Variants in NEK11 observed in about 807,000 individuals in gnomAD.
The protein encoded by NEK11 is NIMA related kinase 11.
NEK11 carries 72 observed loss-of-function variants against 80.7 expected under a neutral mutation model. That is an observed-to-expected ratio of 0.89 (90% CI 0.74 to 1.08). NEK11 has a LOEUF of 1.08. Ranked by LOEUF, NEK11 falls within the 50% of genes least tolerant of loss-of-function variation. NEK11 has a pLI of 0.00. For missense variants in NEK11, 764 were observed against 763.6 expected (o/e 1.00, Z -0.01); for synonymous variants, 251 against 260.7 (o/e 0.96, Z 0.36).
At chr3:131,191,820 T>C (rs561699832) in intron 14 of NEK11, among the ~76,000 whole-genome samples, 1 of 152,090 alleles carries the variant, frequency 6.6e-6, no homozygotes, top group East Asian at 1.9e-4. Context: ...AAATTAAAAT[T>C]AAAATAGATC....
chr3:131,324,634 A>ACTT (rs2096937892), intron 17 of NEK11, among the ~76,000 whole-genome samples: 1 of 152,226 alleles, frequency 6.6e-6, no homozygotes, highest in Non-Finnish European at 1.5e-5. Context: ...TTCAGGAAGG[A>ACTT]CTTCATCAAG....
intron 17 of NEK11, among the ~76,000 whole-genome samples, chr3:131,274,886 C>G (rs1166501137): frequency 1.3e-5 from 2 of 151,792 alleles, no homozygotes; most frequent in African/African-American, 2.4e-5. Context: ...ATCTCCTGAC[C>G]TCGTGATCCA....
At chr3:131,077,603 C>A (rs1004101302) in intron 3 of NEK11, among the ~76,000 whole-genome samples, 1 of 152,136 alleles carries the variant, frequency 6.6e-6, no homozygotes, top group Admixed American at 6.5e-5. Context: ...CTTTTTAGAG[C>A]ATTTATTCCT....
chr3:131,036,869 T>C (rs936855373), intron 3 of NEK11, among the ~76,000 whole-genome samples: 3 of 152,224 alleles, frequency 2.0e-5, no homozygotes, highest in African/African-American at 7.2e-5. Flanking sequence ...AAGAGTTGCA[T>C]TCAGTGTGAA....
intron 14 of NEK11, among the ~76,000 whole-genome samples, chr3:131,178,695 G>A (rs1409312474): frequency 6.6e-6 from 1 of 152,136 alleles, no homozygotes; most frequent in African/African-American, 2.4e-5. Flanking sequence ...AGTAGAAGGA[G>A]TATACTATAA....
intron 17 of NEK11, among the ~76,000 whole-genome samples, chr3:131,340,697 C>T (rs1011709696): frequency 6.6e-6 from 1 of 152,110 alleles, no homozygotes; most frequent in African/African-American, 2.4e-5. Context: ...TCCTTCAGGA[C>T]TCCTGTGTCA....
intron 2 of NEK11, among the ~76,000 whole-genome samples, chr3:131,029,227 A>G (rs1031276777): frequency 4.6e-5 from 7 of 152,386 alleles, no homozygotes; most frequent in Admixed American, 1.3e-4. Context: ...AGAAGAGGGC[A>G]TTACAAAAAG....
chr3:131,250,767 C>T (rs1457253968), intron 16 of NEK11, among the ~76,000 whole-genome samples: 4 of 151,994 alleles, frequency 2.6e-5, no homozygotes, highest in African/African-American at 9.7e-5. Flanking sequence ...TAATGGATAA[C>T]CCATTTGGAT....
At chr3:131,125,692 T>C (rs2083210872) in intron 5 of NEK11, among the ~76,000 whole-genome samples, 1 of 152,334 alleles carries the variant, frequency 6.6e-6, no homozygotes, top group East Asian at 1.9e-4. Context: ...TAACATCTAG[T>C]TGGCACTCAA....
intron 7 of NEK11, among the ~76,000 whole-genome samples, chr3:131,136,882 T>A (rs1161833439): frequency 6.6e-6 from 1 of 152,212 alleles, no homozygotes; most frequent in Non-Finnish European, 1.5e-5. Context: ...TATGAATATT[T>A]AGAGTATGTT....
At chr3:131,294,754 T>A (rs940497615) in intron 17 of NEK11, among the ~76,000 whole-genome samples, 1 of 152,176 alleles carries the variant, frequency 6.6e-6, no homozygotes, top group African/African-American at 2.4e-5. Context: ...GTTAGACACA[T>A]ACACATTAAA....
chr3:131,177,872 T>C (rs1178127336), intron 14 of NEK11, among the ~76,000 whole-genome samples: 1 of 152,184 alleles, frequency 6.6e-6, no homozygotes. Flanking sequence ...GACAGGAATA[T>C]GTTCTGAGAA....
chr3:131,207,461 T>C (rs1303913679), intron 14 of NEK11, among the ~76,000 whole-genome samples: 14 of 152,078 alleles, frequency 9.2e-5, no homozygotes, highest in Admixed American at 5.2e-4. Flanking sequence ...CAGGCACCTG[T>C]AGTCCCAGCT....
At chr3:131,319,590 G>T (rs1220224014) in intron 17 of NEK11, among the ~76,000 whole-genome samples, 1 of 152,116 alleles carries the variant, frequency 6.6e-6, no homozygotes, top group East Asian at 1.9e-4. Flanking sequence ...TTGGTGGTGG[G>T]TCTGTAGGGG....
chr3:131,235,944 G>A (rs1326801285), intron 15 of NEK11, among the ~76,000 whole-genome samples: 2 of 152,156 alleles, frequency 1.3e-5, no homozygotes, highest in Admixed American at 1.3e-4. Context: ...GCTCCAAAGT[G>A]TGTGAAAATG....
In NEK11 at chr3:131,152,611, T is replaced by G. The variant is rs1189102695; in HGVS notation, c.798-20T>G. ...TATTTTAGTTTACCTGAAAAATAAT[T>G]TTCTGTTTAAACATTACAGCATGTT... On this transcript the variant is annotated intron_variant, in intron 8 of 17. Coordinates refer to ENST00000383366, the MANE Select transcript of NEK11 (RefSeq NM_024800.5). The G allele has an allele frequency of 6.2e-7, 1 of 1,608,590 alleles. No homozygotes were observed. Among genetic ancestry groups the G allele is most frequent in the South Asian group, 1.1e-5 (1 of 89,878 alleles).
At position 131,168,905 on chromosome 3, in the gene NEK11, G is replaced by A. The variant is rs762620816; in HGVS notation, c.1252G>A (p.Glu418Lys). The A allele has an allele frequency of 3.7e-6, 6 of 1,613,942 alleles. No individual in the cohort carries two copies. Among genetic ancestry groups the A allele is most frequent in the Non-Finnish European group, 4.2e-6 (5 of 1,179,916 alleles). Residue 418 changes from glutamate (E) to lysine (K), a missense_variant, in exon 13 of 18, where the codon GAG (glutamate) becomes AAG (lysine). Coordinates refer to ENST00000383366, the MANE Select transcript of NEK11 (RefSeq NM_024800.5). ...EGRLSCSPQD[E>K]DEERWQGREE... ...AAGACTTTCTTGTTCACCCCAGGAC[G>A]AGGATGAAGAGAGGTGGCAAGGCAG...
At chr3:131,229,886 G>A (rs1417818073) in intron 15 of NEK11, among the ~76,000 whole-genome samples, 1 of 151,924 alleles carries the variant, frequency 6.6e-6, no homozygotes, top group Non-Finnish European at 1.5e-5. Context: ...GCTAAAGGGG[G>A]GATTCAGAAT....
chr3:131,266,793 A>G (rs1270946843), intron 16 of NEK11, among the ~76,000 whole-genome samples: 2 of 151,470 alleles, frequency 1.3e-5, no homozygotes, highest in Non-Finnish European at 3.0e-5. Flanking sequence ...TCTGTCTAAT[A>G]AAGTCTCTCA....
Sources: gnomAD v4.1 joint callset for allele counts (sites outside exome capture counted in the v4.1 genomes callset) on GRCh38, gnomAD v4.1.1 for gene constraint, MANE v1.5 for transcripts, NCBI Gene and HGNC (gene_info 2026-07-23, HGNC 2026-07-21) for gene names.